The following ZNF592 variants were observed in gnomAD, a reference collection of about 807,000 sequenced individuals.
The protein encoded by ZNF592 is zinc finger protein 592.
In ZNF592, 11 loss-of-function variants were observed where a neutral mutation model predicts 80.3. That is an observed-to-expected ratio of 0.14 (90% confidence interval 0.09 to 0.23). ZNF592 has a LOEUF of 0.23. Ranked by LOEUF, ZNF592 falls within the 10% of genes least tolerant of loss-of-function variation. ZNF592 has a pLI of 1.00. For synonymous variants in ZNF592, 646 were observed against 640.3 expected, an observed-to-expected ratio of 1.01 and a Z score of -0.13; for missense variants, 1,420 against 1,633.9, an observed-to-expected ratio of 0.87 and a Z score of 2.26.
At chr15:84,753,815 A>G (rs1470991007) in intron 1 of ZNF592, among the ~76,000 whole-genome samples, 1 of 152,154 alleles carries the variant, frequency 6.6e-6, no homozygotes, top group Non-Finnish European at 1.5e-5. Flanking sequence ...ACTTTTCTTA[A>G]AAAATAGGAA....
intron 2 of ZNF592, among the ~76,000 whole-genome samples, chr15:84,767,272 C>T (rs887554983): frequency 4.6e-5 from 7 of 152,092 alleles, no homozygotes; most frequent in South Asian, 2.1e-4. Context: ...GCGATCCGCC[C>T]GCCTCGGCCT....
intron 2 of ZNF592, among the ~76,000 whole-genome samples, chr15:84,775,232 A>T (rs1253376571): frequency 5.3e-5 from 8 of 151,586 alleles, no homozygotes; most frequent in African/African-American, 1.9e-4. Context: ...AGTAGCTGAG[A>T]CTACAGACAT....
chr15:84,748,789 G>T (rs1449951747), intron 1 of ZNF592, 125 bp downstream of exon 1: 1 of 146,904 alleles, frequency 6.8e-6, no homozygotes, highest in African/African-American at 2.5e-5. Context: ...CTGCAGCCTG[G>T]CGGACCCTGG....
At position 84,770,753 on chromosome 15, in the gene ZNF592, T is replaced by G. The variant is rs1046961903; in HGVS notation, c.-150+5938T>G. On this transcript the variant is annotated intron_variant, in intron 2 of 10. Coordinates refer to ENST00000560079, the MANE Select transcript of ZNF592 (RefSeq NM_014630.3). ...TAGACATATTGAATCAGAATTTTCA[T>G]GGTGGAGCCTGTGTATCTGTATTTT... Among the ~76,000 whole-genome samples the G allele has an allele frequency of 2.0e-5, 3 of 152,128 alleles. No homozygotes were observed. In the South Asian group the frequency reaches 6.2e-4, roughly 32 times the overall value.
rs10667788 is a variant in ZNF592 at position 84,766,706 on chromosome 15, AGTGTGTGTGTGTGTGTGTGT to A, written c.-150+1906_-150+1925del. Reference sequence around the variant, plus strand: ...AATAGAGGGAGAGAGGATGAGAAAGAGTGTGTGTGTGTGTGTGTGTGTGTGTGTGTGTGTAAGAAAAGGGG... The same window carrying A: ...AATAGAGGGAGAGAGGATGAGAAAGAGTGTGTGTGTGTGTAAGAAAAGGGG... On this transcript the variant is annotated intron_variant, in intron 2 of 10. Transcript: ENST00000560079. Among the ~76,000 whole-genome samples the A allele has an allele frequency of 4.2e-3, 592 of 140,252 alleles. 2 individuals carry two copies. Among genetic ancestry groups the A allele is most frequent in the African/African-American group, 0.015 (562 of 36,872 alleles). 92.0% of individuals were successfully genotyped at this position (140,252 alleles called of 152,430 possible).
Position 84,783,700 on chromosome 15 carries a change from G to A in ZNF592, c.1025G>A (p.Ser342Asn). 2 of 1,614,232 alleles carry A rather than the reference G, an allele frequency of 1.2e-6. No individual in the cohort carries two copies. Among genetic ancestry groups the A allele is most frequent in the Non-Finnish European group, 1.7e-6 (2 of 1,180,048 alleles). ...AGCCCTCTGGAGGCCACTAGAAAAA[G>A]TATCAAGCCATCGGACAGCCCTCGT... The part of the protein sequence containing the change: ...PRSPLEATRK[S>N]IKPSDSPRSI... Residue 342 changes from serine to asparagine, a missense_variant, in exon 4 of 11, where the codon AGT becomes AAT. This residue lies in a region of ZNF592 where 524 missense variants were observed against 628.3 expected (regional missense o/e 0.83). Coordinates refer to ENST00000560079, the MANE Select transcript of ZNF592 (RefSeq NM_014630.3). The surrounding 1 kb of genome is among the most constrained non-coding windows in gnomAD (Gnocchi z 5.0).
intron 5 of ZNF592, among the ~76,000 whole-genome samples, chr15:84,792,544 G>A (rs561063430): frequency 2.6e-5 from 4 of 152,252 alleles, no homozygotes; most frequent in South Asian, 2.1e-4. Flanking sequence ...TTGACCTCCC[G>A]AGCTCAGGTG....
Position 84,782,750 on chromosome 15 carries a change from T to A in ZNF592, c.75T>A (p.Asp25Glu), listed in dbSNP as rs1434819223. 1 of 1,614,016 alleles carries A rather than the reference T, an allele frequency of 6.2e-7. No individual in the cohort carries two copies. Among genetic ancestry groups the A allele is most frequent in the Non-Finnish European group, 8.5e-7 (1 of 1,180,024 alleles). The part of the protein sequence containing the change: ...AFDIPDPTSL[D>E]AKEAIQTPSE... ...ACATCCCAGACCCCACCAGCCTTGATGCCAAGGAGGCCATCCAGACACCCA... is the reference window on the plus strand; with the variant it reads ...ACATCCCAGACCCCACCAGCCTTGAAGCCAAGGAGGCCATCCAGACACCCA... The change falls in exon 4 of 11, where the codon GAT becomes GAA. Residue 25 changes from aspartate to glutamate, a missense_variant. By Grantham distance (45) the Asp-to-Glu change is conservative (BLOSUM62 2). Coordinates refer to ENST00000560079, the MANE Select transcript of ZNF592 (RefSeq NM_014630.3).
chr15:84,757,108 C>T (rs986452124), intron 1 of ZNF592, among the ~76,000 whole-genome samples: 1 of 151,494 alleles, frequency 6.6e-6, no homozygotes, highest in African/African-American at 2.4e-5. Flanking sequence ...GTGAGACTGT[C>T]TCAATTAAAA....
chr15:84,773,547 G>T (rs1045280046), intron 2 of ZNF592, among the ~76,000 whole-genome samples: 5 of 152,146 alleles, frequency 3.3e-5, no homozygotes, highest in Non-Finnish European at 7.4e-5. Context: ...AAAAAGGCCA[G>T]TTCAGAGAGG....
intron 4 of ZNF592, 124 bp downstream of exon 4, chr15:84,785,019 G>T (rs1031925598): frequency 2.6e-6 from 3 of 1,147,840 alleles, no homozygotes; most frequent in Non-Finnish European, 2.6e-6. Context: ...CTTAGAAGAG[G>T]ATGTCTGCCT....
chr15:84,783,712 C>G lies in ZNF592; in HGVS notation c.1037C>G (p.Ser346Trp). The stretch of plus-strand genomic sequence containing the variant: ...GCCACTAGAAAAAGTATCAAGCCAT[C>G]GGACAGCCCTCGTAGCATCTGCAGT... The part of the protein sequence containing the change: ...LEATRKSIKP[S>W]DSPRSICSDS... Residue 346 changes from serine to tryptophan, a missense_variant, in exon 4 of 11, where the codon TCG (serine) becomes TGG (tryptophan). By Grantham distance (177) the Ser-to-Trp change is radical. Transcript: ENST00000560079. The surrounding 1 kb of genome is among the most constrained non-coding windows in gnomAD (Gnocchi z 5.0). 6.2e-7 allele frequency: 1 copy of G among 1,614,246 alleles called. No homozygotes were observed. The highest frequency in any genetic ancestry group is 1.3e-5 in the African/African-American group (1 of 75,066).
intron 1 of ZNF592, among the ~76,000 whole-genome samples, chr15:84,760,185 T>G (rs1414991241): frequency 6.6e-6 from 1 of 152,114 alleles, no homozygotes; most frequent in Non-Finnish European, 1.5e-5. Flanking sequence ...CACATCATTC[T>G]TCTACTCCAA....
At chr15:84,766,124 C>T (rs1047443417) in intron 2 of ZNF592, among the ~76,000 whole-genome samples, 7 of 151,916 alleles carry the variant, frequency 4.6e-5, no homozygotes, top group Admixed American at 1.3e-4. Flanking sequence ...AGCAGTCCTC[C>T]CACCTCAGCC....
chr15:84,782,921 G>T lies in ZNF592; in HGVS notation c.246G>T (p.Glu82Asp), dbSNP rs760825113. The T allele has an allele frequency of 6.2e-7, 1 of 1,614,220 alleles. No individual in the cohort carries two copies. ...GCCGCCAGGAGTCATTTGAAGCGGA[G>T]AAAGACCACATTACTCCCAGTCTCC... The part of the protein sequence containing the change: ...NTSRQESFEA[E>D]KDHITPSLLH... The change falls in exon 4 of 11, where the codon GAG becomes GAT. Residue 82 changes from glutamate (E) to aspartate (D), a missense_variant. Physicochemically the swap from Glu to Asp is conservative, Grantham distance 45. Around this residue, in one of 7 missense-constraint regions of ZNF592, gnomAD observed 373 missense variants for 355.5 expected, o/e 1.05. Coordinates refer to ENST00000560079, the MANE Select transcript of ZNF592 (RefSeq NM_014630.3).
chr15:84,796,221 C>CAAAAAAA (rs753718341), intron 5 of ZNF592, among the ~76,000 whole-genome samples: 1 of 25,428 alleles, frequency 3.9e-5, no homozygotes, highest in African/African-American at 1.4e-4. Context: ...GACTCTGTCT[C>CAAAAAAA]AAAAAAAAAA....
intron 1 of ZNF592, among the ~76,000 whole-genome samples, chr15:84,759,530 T>C (rs184499032): frequency 3.9e-5 from 6 of 152,338 alleles, no homozygotes; most frequent in Admixed American, 1.3e-4. Context: ...TCCATCATTA[T>C]AGCTCCATTC....
chr15:84,765,358 T>C (rs948968983), intron 2 of ZNF592, among the ~76,000 whole-genome samples: 1 of 152,128 alleles, frequency 6.6e-6, no homozygotes, highest in Non-Finnish European at 1.5e-5. Flanking sequence ...GTCCTCCCGC[T>C]CTTAATTCTT....
intron 4 of ZNF592, among the ~76,000 whole-genome samples, chr15:84,790,391 C>T (rs953514309): frequency 1.3e-5 from 2 of 152,112 alleles, no homozygotes; most frequent in African/African-American, 4.8e-5. Context: ...TGCTTTAGGC[C>T]TCTGCAAAGG....
Sources: gnomAD v4.1 joint callset for allele counts (sites outside exome capture counted in the v4.1 genomes callset) on GRCh38, gnomAD v4.1.1 for gene constraint, gnomAD v4.1.1 regional missense constraint, Gnocchi (gnomAD v3.1) non-coding constraint, MANE v1.5 for transcripts, NCBI Gene and HGNC (gene_info 2026-07-23, HGNC 2026-07-21) for gene names.